Variants in JARID2 observed in about 807,000 individuals in gnomAD.
JARID2 encodes protein Jumonji.
Under a neutral mutation model 125.6 loss-of-function variants are expected in JARID2, and 21 were observed. The ratio of observed to expected loss-of-function variants is 0.17; its 90% confidence interval spans 0.12 to 0.24. The LOEUF is 0.24. Among genes scored for constraint, JARID2 ranks in the 10% least tolerant of loss-of-function variants. The pLI is 1.00. For missense variants in JARID2, 1,303 were observed against 1,639.6 expected, an observed-to-expected ratio of 0.79 and a Z score of 3.55; for synonymous variants, 736 against 661.6, an observed-to-expected ratio of 1.11 and a Z score of -1.73.
chr6:15,405,672 G>A (rs1205532229), intron 2 of JARID2, among the ~76,000 whole-genome samples: 2 of 152,200 alleles, frequency 1.3e-5, no homozygotes, highest in Non-Finnish European at 2.9e-5. Flanking sequence ...GTTGGTCGGG[G>A]TGGGGGAGGG....
chr6:15,494,147 A>C (rs986681870), intron 6 of JARID2, among the ~76,000 whole-genome samples: 1 of 152,114 alleles, frequency 6.6e-6, no homozygotes, highest in Non-Finnish European at 1.5e-5. Flanking sequence ...GACTGCACTT[A>C]ATTGGTGGCA....
At chr6:15,461,065 G>A (rs1561877848) in intron 4 of JARID2, among the ~76,000 whole-genome samples, 2 of 152,186 alleles carry the variant, frequency 1.3e-5, no homozygotes, top group Admixed American at 1.3e-4. Flanking sequence ...GTGATGGCTT[G>A]AGCACCATCA....
chr6:15,422,601 C>A (rs764228277), intron 3 of JARID2, among the ~76,000 whole-genome samples: 6 of 152,216 alleles, frequency 3.9e-5, no homozygotes, highest in Non-Finnish European at 7.3e-5. Flanking sequence ...GTTCAGACCT[C>A]ATTTAACTCA....
At chr6:15,447,084 T>G (rs1434155930) in intron 3 of JARID2, among the ~76,000 whole-genome samples, 3 of 152,326 alleles carry the variant, frequency 2.0e-5, no homozygotes, top group Admixed American at 2.0e-4. Flanking sequence ...TCTGAACTTA[T>G]TTGAACTTTG....
chr6:15,444,861 A>C (rs1021971603), intron 3 of JARID2, among the ~76,000 whole-genome samples: 3 of 151,018 alleles, frequency 2.0e-5, no homozygotes, highest in African/African-American at 7.3e-5. Flanking sequence ...ATATTGGAAA[A>C]TTGAGTTAAT....
At position 15,520,674 on chromosome 6, in the gene JARID2, A is replaced by C; in HGVS notation, c.*423A>C. 2.6e-6 allele frequency: 1 copy of C among 387,428 alleles called. No individual in the cohort carries two copies. The highest frequency in any genetic ancestry group is 5.3e-6 in the Non-Finnish European group (1 of 189,022). The allele number at this position is 387,428 out of a possible 1,614,324, so 24.0% of individuals were successfully genotyped here. A position where few individuals can be genotyped will look rare whatever the true frequency, so the allele number is the denominator to read the frequency against. On this transcript the variant is annotated 3_prime_UTR_variant, in exon 18 of 18. Coordinates refer to ENST00000341776, the MANE Select transcript of JARID2 (RefSeq NM_004973.4). ...CATGTGAGCAGATTTTTTAGAAGGG[A>C]TAGGAGACACACGCGCACACACACA...
chr6:15,495,054 C>G (rs531110482), intron 6 of JARID2, among the ~76,000 whole-genome samples: 244 of 152,334 alleles, frequency 1.6e-3, no homozygotes, highest in African/African-American at 5.7e-3. Context: ...ACTTTAACCT[C>G]ATATCATAGA....
chr6:15,440,897 C>G (rs1431392969), intron 3 of JARID2, among the ~76,000 whole-genome samples: 4 of 152,144 alleles, frequency 2.6e-5, no homozygotes, highest in Non-Finnish European at 4.4e-5. Flanking sequence ...GACAATGTGT[C>G]AGTTATAGTG....
At chr6:15,345,638 A>G (rs772937890) in intron 1 of JARID2, among the ~76,000 whole-genome samples, 34 of 152,270 alleles carry the variant, frequency 2.2e-4, no homozygotes, top group Non-Finnish European at 4.0e-4. Flanking sequence ...AAATAAGACC[A>G]TAAGTGCATT....
intron 1 of JARID2, among the ~76,000 whole-genome samples, chr6:15,370,265 G>C (rs1031923743): frequency 6.6e-6 from 1 of 151,514 alleles, no homozygotes; most frequent in Non-Finnish European, 1.5e-5. Flanking sequence ...TGGAAAGGAA[G>C]GTCTGTATTG....
chr6:15,320,124 G>C (rs1000644782), intron 1 of JARID2, among the ~76,000 whole-genome samples: 9 of 152,182 alleles, frequency 5.9e-5, no homozygotes, highest in African/African-American at 2.2e-4. Context: ...ATGGTGAGCC[G>C]ATCAGCTTCT....
chr6:15,365,782 AT>A (rs553585123), intron 1 of JARID2, among the ~76,000 whole-genome samples: 1 of 152,144 alleles, frequency 6.6e-6, no homozygotes. Flanking sequence ...AGTGCTTTTA[AT>A]TTAAACCCTA....
intron 2 of JARID2, among the ~76,000 whole-genome samples, chr6:15,399,610 T>A (rs1765348284): frequency 1.3e-5 from 2 of 152,194 alleles, no homozygotes; most frequent in South Asian, 4.1e-4. Context: ...AGTTGGCCAT[T>A]GTGGAGAGAA....
chr6:15,402,479 G>A (rs1222142269), intron 2 of JARID2, among the ~76,000 whole-genome samples: 1 of 152,202 alleles, frequency 6.6e-6, no homozygotes, highest in Non-Finnish European at 1.5e-5. Flanking sequence ...TGTGAGATGA[G>A]AAATCAAATT....
chr6:15,444,043 C>T (rs895257843), intron 3 of JARID2, among the ~76,000 whole-genome samples: 2 of 152,158 alleles, frequency 1.3e-5, no homozygotes, highest in Admixed American at 6.5e-5. Flanking sequence ...TAATATCCTG[C>T]GGTTTTTTGC....
At chr6:15,497,211 C>G in intron 7 of JARID2, 41 bp downstream of exon 7, 1 of 1,428,716 alleles carries the variant, frequency 7.0e-7, no homozygotes, top group Non-Finnish European at 9.5e-7. Flanking sequence ...GCCTGCCCTC[C>G]TGCCCCCAGA....
intron 7 of JARID2, among the ~76,000 whole-genome samples, 163 bp from the exon 8 acceptor site, chr6:15,500,744 C>T (rs896619871): frequency 1.3e-5 from 2 of 152,130 alleles, no homozygotes; most frequent in Non-Finnish European, 2.9e-5. Context: ...TTGTAACGCC[C>T]TTCTCTCTGT....
intron 5 of JARID2, among the ~76,000 whole-genome samples, chr6:15,470,499 A>G (rs1769022725): frequency 6.6e-6 from 1 of 152,242 alleles, no homozygotes; most frequent in Non-Finnish European, 1.5e-5. Context: ...ATCTCTGTCT[A>G]GCTTTCATTG....
chr6:15,392,042 GTGT>G (rs1366977957), intron 2 of JARID2, among the ~76,000 whole-genome samples: 3 of 27,038 alleles, frequency 1.1e-4, no homozygotes, highest in East Asian at 3.6e-3. Flanking sequence ...CCAGAGTGGT[GTGT>G]GTGTGTGTGT....
Sources: gnomAD v4.1 joint callset for allele counts (sites outside exome capture counted in the v4.1 genomes callset) on GRCh38, gnomAD v4.1.1 for gene constraint, MANE v1.5 for transcripts, NCBI Gene and HGNC (gene_info 2026-07-23, HGNC 2026-07-21) for gene names.